Variants in CARMIL2 observed in about 807,000 individuals in gnomAD.
CARMIL2 encodes the protein capping protein, Arp2/3 and myosin-I linker protein 2.
In CARMIL2, 96 loss-of-function variants were observed where a neutral mutation model predicts 173.3. The ratio of observed to expected loss-of-function variants is 0.55; its 90% CI spans 0.47 to 0.66. The LOEUF is 0.66. Among genes scored for constraint, CARMIL2 ranks in the 30% least tolerant of loss-of-function variants. The pLI is 0.00. For synonymous variants in CARMIL2, 830 were observed against 817.1 expected (o/e 1.02, Z -0.27); for missense variants, 1,771 against 1,906.7 (o/e 0.93, Z 1.33).
At position 67,647,701 on chromosome 16, in the gene CARMIL2, A is replaced by G. The variant is rs760061911; in HGVS notation, c.893A>G (p.His298Arg). ...CAAGGCATGACTGCACTCAGCAGAC[A>G]CCTCGAGCGTTGTCCAGGAGCCCTG... ...DDRGMTALSR[H>R]LERCPGALRR... Residue 298 changes from histidine to arginine, a missense_variant, in exon 12 of 38, where the codon CAC (histidine) becomes CGC (arginine). His to Arg is a conservative substitution (Grantham distance 29). Around this residue, in one of 3 missense-constraint regions of CARMIL2, gnomAD observed 944 missense variants for 975.6 expected, o/e 0.97. Transcript: ENST00000334583. The G allele has an allele frequency of 4.8e-5, 77 of 1,587,822 alleles. No individual in the cohort carries two copies. The highest frequency in any genetic ancestry group is 6.5e-5 in the Non-Finnish European group (76 of 1,168,470).
chr16:67,646,903 G>A lies in CARMIL2; in HGVS notation c.541G>A (p.Val181Met), dbSNP rs117556162. 0.046 allele frequency: 74,169 copies of A among 1,613,644 alleles called. 2,087 individuals are homozygous for A. Among genetic ancestry groups the A allele is most frequent in the Non-Finnish European group, 0.056 (65,930 of 1,179,784 alleles). ...TAAGCATCTCCTTCTCACCCAGGAC[G>A]TGGACACCATTTACCATCGCCAGGG... ...FPFREEIQWD[V>M]DTIYHRQGCR... Residue 181 changes from valine (V) to methionine (M), a missense_variant, in exon 8 of 38, where the codon GTG (valine) becomes ATG (methionine). By Grantham distance (21) the Val-to-Met change is conservative (BLOSUM62 1). Around this residue, in one of 3 missense-constraint regions of CARMIL2, gnomAD observed 944 missense variants for 975.6 expected, o/e 0.97. Coordinates refer to ENST00000334583, the MANE Select transcript of CARMIL2 (RefSeq NM_001013838.3). The surrounding 1 kb of genome is among the most constrained non-coding windows in gnomAD (Gnocchi z 4.6).
Position 67,647,880 on chromosome 16 carries a change from T to C in CARMIL2, c.993T>C (p.Asn331=). The change falls in exon 13 of 38, where the codon AAT becomes AAC. Residue 331 remains asparagine (N), a synonymous_variant. Transcript: ENST00000334583. ...CTCTGGGCCGGGCACTGGCCACCAATGCCGCCTTCGACTCCACCCTGACCC... is the reference window on the plus strand; with the variant it reads ...CTCTGGGCCGGGCACTGGCCACCAACGCCGCCTTCGACTCCACCCTGACCC... ...MRALGRALAT[N]AAFDSTLTHL... 6.2e-7 allele frequency: 1 copy of C among 1,611,188 alleles called. No homozygotes were observed. Among genetic ancestry groups the C allele is most frequent in the South Asian group, 1.1e-5 (1 of 90,740 alleles).
chr16:67,645,539 G>T lies in CARMIL2; in HGVS notation c.41-1G>T. ...TCACCCAGCAGGCTGCCCTTCCACA[G>T]GCGAGATCACCAGGTTCCTGTGGCC... On this transcript the variant is annotated splice_acceptor_variant, in intron 1 of 37. Transcript: ENST00000334583. LOFTEE classifies it high-confidence loss of function. 1 of 1,597,612 alleles carries T rather than the reference G, an allele frequency of 6.3e-7. No individual in the cohort carries two copies. Among genetic ancestry groups the T allele is most frequent in the Non-Finnish European group, 8.5e-7 (1 of 1,172,418 alleles).
Position 67,657,387 on chromosome 16 carries a change from TC to T in CARMIL2, c.4196-16del. On this transcript the variant is annotated intron_variant, in intron 37 of 37. Coordinates refer to ENST00000334583, the MANE Select transcript of CARMIL2 (RefSeq NM_001013838.3). The surrounding 1 kb of genome is among the most constrained non-coding windows in gnomAD (Gnocchi z 4.5). ...GCCCAGCCCTGACCCTTCCTCTCTC[TC>T]CCTCCCTCCCCTCACAGGATCTGGC... 6.2e-7 allele frequency: 1 copy of T among 1,601,402 alleles called. No individual in the cohort carries two copies. The highest frequency in any genetic ancestry group is 2.3e-5 in the East Asian group (1 of 44,200).
intron 22 of CARMIL2, chr16:67,650,944 A>G: frequency 2.1e-6 from 1 of 487,286 alleles, no homozygotes; most frequent in Non-Finnish European, 3.7e-6. Context: ...TCTAAAACAC[A>G]GACATGATTT....
chr16:67,654,337 C>T lies in CARMIL2; in HGVS notation c.3227C>T (p.Ala1076Val). ...ACTGCTGGGTGTCCCCACAGCTGGG[C>T]CCCCGAGGAGGACCCGGCCACTGAG... ...KRLIQQDRLW[A>V]PEEDPATEGG... The change falls in exon 31 of 38, where the codon GCC becomes GTC. Residue 1076 changes from alanine (A) to valine (V), a missense_variant. Physicochemically the swap from Ala to Val is moderately conservative, Grantham distance 64. Coordinates refer to ENST00000334583, the MANE Select transcript of CARMIL2 (RefSeq NM_001013838.3). The T allele has an allele frequency of 6.3e-7, 1 of 1,590,812 alleles. No individual in the cohort carries two copies. The highest frequency in any genetic ancestry group is 1.1e-5 in the South Asian group (1 of 87,540).
rs2052593469 is a variant in CARMIL2, at chr16:67,646,366, G to A, written c.374+56G>A. ...GGGGAGGAGGGAGTGCATGAGAAGGGCTGCTTCCCATCCCAGAGGCTGGAA... is the reference window on the plus strand; with the variant it reads ...GGGGAGGAGGGAGTGCATGAGAAGGACTGCTTCCCATCCCAGAGGCTGGAA... On this transcript the variant is annotated intron_variant, in intron 5 of 37. Transcript: ENST00000334583. This position sits in a 1 kb window ranked among gnomAD's most constrained non-coding sequence, Gnocchi z 4.6. The A allele has an allele frequency of 6.2e-7, 1 of 1,607,632 alleles. No homozygotes were observed.
At position 67,651,767 on chromosome 16, in the gene CARMIL2, AG is replaced by A. The variant is rs754944902; in HGVS notation, c.2515del (p.Val839SerfsTer47). On this transcript the variant is annotated frameshift_variant, in exon 25 of 38. Transcript: ENST00000334583. LOFTEE classifies it high-confidence loss of function. This position sits in a 1 kb window ranked among gnomAD's most constrained non-coding sequence, Gnocchi z 4.2. ...LQGSSWREQL[E>X]GVLAGSRGLP... ...GGATCCAGCTGGAGGGAGCAGCTAG[AG>A]GGGGTCCTGGCAGGCTCGAGGGGCC... 3 of 1,606,894 alleles carry A rather than the reference AG, an allele frequency of 1.9e-6. No homozygotes were observed. The highest frequency in any genetic ancestry group is 3.4e-5 in the Admixed American group (2 of 58,556).
In CARMIL2 at chr16:67,651,863, G is replaced by C. The variant is rs371823779; in HGVS notation, c.2588+18G>C. ...AGGCTCAGGTAGGCTGGATGGGGCT[G>C]GGCTGGGCAAGGCTGAGCAAAGCCA... On this transcript the variant is annotated intron_variant, in intron 25 of 37. Coordinates refer to ENST00000334583, the MANE Select transcript of CARMIL2 (RefSeq NM_001013838.3). The surrounding 1 kb of genome is among the most constrained non-coding windows in gnomAD (Gnocchi z 4.2). 1 of 1,612,852 alleles carries C rather than the reference G, an allele frequency of 6.2e-7. No individual in the cohort carries two copies. Among genetic ancestry groups the C allele is most frequent in the East Asian group, 2.2e-5 (1 of 44,882 alleles).
Position 67,649,308 on chromosome 16 carries a change from T to A in CARMIL2, c.1743T>A (p.Asp581Glu). The A allele has an allele frequency of 6.2e-7, 1 of 1,612,146 alleles. No homozygotes were observed. The highest frequency in any genetic ancestry group is 8.5e-7 in the Non-Finnish European group (1 of 1,179,636). Residue 581 changes from aspartate to glutamate, a missense_variant, in exon 19 of 38, where the codon GAT becomes GAA. This residue lies in a region of CARMIL2 where 944 missense variants were observed against 975.6 expected (regional missense o/e 0.97). Transcript: ENST00000334583. This position sits in a 1 kb window ranked among gnomAD's most constrained non-coding sequence, Gnocchi z 6.7. ...TTGTCCAGCTCATGCAGGACGACGA[T>A]TGTGTGAGTTCACGGGACCTTGCAG... ...HRIVQLMQDD[D>E]CPLQSLSVAE...
At position 67,654,379 on chromosome 16, in the gene CARMIL2, T is replaced by G. The variant is rs769456962; in HGVS notation, c.3269T>G (p.Val1090Gly). The G allele has an allele frequency of 1.9e-6, 3 of 1,606,226 alleles. No homozygotes were observed. The Admixed American group carries it at 5.1e-5, about 27-fold the overall frequency. The change falls in exon 31 of 38, where the codon GTC (valine) becomes GGC (glycine). Residue 1090 changes from valine (V) to glycine (G), a missense_variant. Transcript: ENST00000334583. ...DPATEGGATP[V>G]PRTLRKKLGT... ...GCCACTGAGGGGGGCGCCACTCCTGTCCCCCGTACACTGCGAAAGAAGCTG... is the reference window on the plus strand; with the variant it reads ...GCCACTGAGGGGGGCGCCACTCCTGGCCCCCGTACACTGCGAAAGAAGCTG...
rs757317112 is a variant in CARMIL2 at position 67,652,555 on chromosome 16, G to A, written c.2884+17G>A. The A allele has an allele frequency of 1.2e-6, 2 of 1,612,386 alleles. No homozygotes were observed. Among genetic ancestry groups the A allele is most frequent in the South Asian group, 1.1e-5 (1 of 90,906 alleles). On this transcript the variant is annotated intron_variant, in intron 28 of 37. Transcript: ENST00000334583. The surrounding 1 kb of genome is among the most constrained non-coding windows in gnomAD (Gnocchi z 4.7). ...TCATTCACAGTAAGTCAGGGCCTTG[G>A]GGGAGGGAGTTTACGTGGGTGGGCT...
Position 67,647,149 on chromosome 16 carries a change from C to T in CARMIL2, c.645C>T (p.Tyr215=). The change falls in exon 9 of 38, where the codon TAC becomes TAT. Residue 215 remains tyrosine, a synonymous_variant. Coordinates refer to ENST00000334583, the MANE Select transcript of CARMIL2 (RefSeq NM_001013838.3). ...CCTTGAGTGTGGCTGCCCTGTCCTA[C>T]AACCTGTGGTTCCGGTGCCTCTCCT... ...DLALSVAALS[Y]NLWFRCLSCV... 1 of 1,613,866 alleles carries T rather than the reference C, an allele frequency of 6.2e-7. No individual in the cohort carries two copies. The highest frequency in any genetic ancestry group is 8.5e-7 in the Non-Finnish European group (1 of 1,179,876).
At chr16:67,654,037 C>T in intron 29 of CARMIL2, 112 bp from the exon 30 acceptor site, 1 of 712,238 alleles carries the variant, frequency 1.4e-6, no homozygotes, top group South Asian at 1.7e-5. Context: ...CCTAGGGTCA[C>T]CCCAGTCTGG....
At chr16:67,645,453 C>T in intron 1 of CARMIL2, 87 bp from the exon 2 acceptor site, 1 of 1,400,746 alleles carries the variant, frequency 7.1e-7, no homozygotes, top group Non-Finnish European at 9.9e-7. Flanking sequence ...CGCAGATAAG[C>T]CCCAGGGCCC....
intron 32 of CARMIL2, 22 bp from the exon 33 acceptor site, chr16:67,656,009 C>CT: frequency 6.3e-7 from 1 of 1,578,896 alleles, no homozygotes; most frequent in East Asian, 2.3e-5. Flanking sequence ...GGGCTGGAAT[C>CT]TGATTGCCCT....
chr16:67,646,267 G>A lies in CARMIL2; in HGVS notation c.331G>A (p.Val111Met), dbSNP rs774165605. The change falls in exon 5 of 38, where the codon GTG (valine) becomes ATG (methionine). Residue 111 changes from valine (V) to methionine (M), a missense_variant. Physicochemically the swap from Val to Met is conservative, Grantham distance 21. Transcript: ENST00000334583. This position sits in a 1 kb window ranked among gnomAD's most constrained non-coding sequence, Gnocchi z 4.6. Reference protein sequence around the residue: ...VAALEQLAQHVAAAIKKVFPR... With the variant: ...VAALEQLAQHMAAAIKKVFPR... ...CGCCCTGGAACAGCTGGCCCAGCAC[G>A]TGGCTGCAGCCATCAAGAAGGTCTT... 17 of 1,613,580 alleles carry A rather than the reference G, an allele frequency of 1.1e-5. No individual in the cohort carries two copies. In the African/African-American group the frequency reaches 1.7e-4, roughly 16 times the overall value.
chr16:67,657,241 C>T lies in CARMIL2; in HGVS notation c.4120C>T (p.Arg1374Trp), dbSNP rs762174191. 42 of 1,613,482 alleles carry T rather than the reference C, an allele frequency of 2.6e-5. No homozygotes were observed. The highest frequency in any genetic ancestry group is 8.8e-5 in the South Asian group (8 of 91,010). ...HEDQLQAPAE[R>W]PLRLQRSPVL... The stretch of plus-strand genomic sequence containing the variant: ...CCAAGCCTTTCTGTGTCCCTTAGAA[C>T]GGCCCCTGAGGCTGCAGCGCTCCCC... Residue 1374 changes from arginine to tryptophan, a missense_variant and splice_region_variant, in exon 37 of 38, where the codon CGG becomes TGG. Coordinates refer to ENST00000334583, the MANE Select transcript of CARMIL2 (RefSeq NM_001013838.3). The surrounding 1 kb of genome is among the most constrained non-coding windows in gnomAD (Gnocchi z 4.5).
chr16:67,656,323 T>A, intron 34 of CARMIL2, 24 bp downstream of exon 34: 2 of 1,613,474 alleles, frequency 1.2e-6, no homozygotes, highest in Non-Finnish European at 1.7e-6. Context: ...ACTGTGTGTG[T>A]TGGTAGTGGG....
Sources: gnomAD v4.1 joint callset for allele counts on GRCh38, gnomAD v4.1.1 for gene constraint, gnomAD v4.1.1 regional missense constraint, Gnocchi (gnomAD v3.1) non-coding constraint, MANE v1.5 for transcripts, NCBI Gene and HGNC (gene_info 2026-07-23, HGNC 2026-07-21) for gene names.